THRB: variants seen among roughly 807,000 people sequenced by gnomAD.
The protein encoded by THRB is thyroid hormone receptor beta, also known as nuclear receptor subfamily 1 group A member 2.
In THRB, 12 loss-of-function variants were observed where a neutral mutation model predicts 47.8. The ratio of observed to expected loss-of-function variants is 0.25; its 90% confidence interval spans 0.16 to 0.41. The LOEUF is 0.41. Among genes scored for constraint, THRB ranks in the 10% least tolerant of loss-of-function variants. The pLI is 1.00. For missense variants in THRB, 348 were observed against 589.2 expected (o/e 0.59, Z 4.24); for synonymous variants, 218 against 212.2 (o/e 1.03, Z -0.24).
At chr3:24,131,328 G>T (rs1377593084) in intron 9 of THRB, among the ~76,000 whole-genome samples, 3 of 152,076 alleles carry the variant, frequency 2.0e-5, no homozygotes, top group Non-Finnish European at 1.5e-5. Context: ...CAATGAATAC[G>T]TATAATTTTT....
At chr3:24,275,131 T>C (rs1047427161) in intron 3 of THRB, among the ~76,000 whole-genome samples, 7 of 152,180 alleles carry the variant, frequency 4.6e-5, no homozygotes, top group African/African-American at 1.7e-4. Flanking sequence ...TAAATATTTG[T>C]TTGGAAAAAA....
Position 24,163,260 on chromosome 3 carries a change from G to C in THRB, c.284-10770C>G, listed in dbSNP as rs190462013. Among the ~76,000 whole-genome samples, 7 of 152,266 alleles carry C rather than the reference G, an allele frequency of 4.6e-5. No homozygotes were observed. In the East Asian group the frequency reaches 1.2e-3, roughly 25 times the overall value. ...GCATTTAAGAATATTTGCCTGTTTT[G>C]ATTTAGTGAGTTTGGCAGGTGGCGG... On this transcript the variant is annotated intron_variant, in intron 5 of 10. Transcript: ENST00000646209.
intron 1 of THRB, among the ~76,000 whole-genome samples, chr3:24,409,301 A>ATTTGGGTATCATTTTTATTTGT (rs1207032052): frequency 2.0e-5 from 3 of 151,864 alleles, no homozygotes; most frequent in Non-Finnish European, 4.4e-5. Context: ...TATGAAAGAT[A>ATTTGGGTATCATTTTTATTTGT]TTTGGGTATC....
At chr3:24,400,729 A>C (rs1348015601) in intron 1 of THRB, among the ~76,000 whole-genome samples, 1 of 152,012 alleles carries the variant, frequency 6.6e-6, no homozygotes, top group African/African-American at 2.4e-5. Context: ...AATGGGGTTG[A>C]TCCTAAAGCT....
intron 1 of THRB, among the ~76,000 whole-genome samples, chr3:24,420,880 C>CA (rs1308466977): frequency 6.6e-6 from 1 of 151,854 alleles, no homozygotes; most frequent in African/African-American, 2.4e-5. Context: ...ATCATTCTGT[C>CA]ATAAAGACAC....
intron 1 of THRB, among the ~76,000 whole-genome samples, chr3:24,411,637 T>A (rs1283264897): frequency 6.6e-6 from 1 of 151,808 alleles, no homozygotes; most frequent in Admixed American, 6.6e-5. Flanking sequence ...TTTATCTGAA[T>A]CAATAACTCT....
At chr3:24,343,696 C>G (rs1156548637) in intron 1 of THRB, among the ~76,000 whole-genome samples, 1 of 151,924 alleles carries the variant, frequency 6.6e-6, no homozygotes, top group African/African-American at 2.4e-5. Context: ...TGAATCCAAC[C>G]ACAATCTCCA....
intron 1 of THRB, among the ~76,000 whole-genome samples, chr3:24,424,183 G>A (rs1404089400): frequency 5.3e-5 from 8 of 151,638 alleles, no homozygotes; most frequent in African/African-American, 1.2e-4. Context: ...TTTCATTCCC[G>A]CCCGTCTACC....
chr3:24,328,994 T>C (rs1188419354), intron 2 of THRB, among the ~76,000 whole-genome samples: 1 of 152,132 alleles, frequency 6.6e-6, no homozygotes, highest in Admixed American at 6.5e-5. Flanking sequence ...TCACCCAGGC[T>C]GGAGTGCAGT....
At chr3:24,437,908 T>C (rs570695072) in intron 1 of THRB, among the ~76,000 whole-genome samples, 1 of 151,744 alleles carries the variant, frequency 6.6e-6, no homozygotes, top group Non-Finnish European at 1.5e-5. Flanking sequence ...TTTTTATTTG[T>C]GTTTATGTCT....
intron 1 of THRB, among the ~76,000 whole-genome samples, chr3:24,415,964 G>C (rs1465764149): frequency 6.6e-6 from 1 of 151,766 alleles, no homozygotes; most frequent in Non-Finnish European, 1.5e-5. Flanking sequence ...CTAGACTCAT[G>C]ATCCAACAAG....
At chr3:24,141,033 G>C (rs1371301769) in intron 8 of THRB, among the ~76,000 whole-genome samples, 1 of 152,190 alleles carries the variant, frequency 6.6e-6, no homozygotes, top group East Asian at 1.9e-4. Flanking sequence ...AACCCTCTAG[G>C]GAAAAATGGC....
intron 1 of THRB, among the ~76,000 whole-genome samples, chr3:24,462,537 A>G (rs772834043): frequency 7.9e-5 from 12 of 152,252 alleles, no homozygotes; most frequent in Non-Finnish European, 1.6e-4. Context: ...TATGTGATTA[A>G]ATTTGTTCTG....
chr3:24,202,781 C>G (rs79125107), intron 4 of THRB, among the ~76,000 whole-genome samples: 5,103 of 152,216 alleles, frequency 0.034, 116 homozygotes, highest in South Asian at 0.076. Context: ...ATGAGAAAAC[C>G]TTGGCTGAGA....
At chr3:24,394,430 G>T (rs1301640339) in intron 1 of THRB, among the ~76,000 whole-genome samples, 1 of 152,012 alleles carries the variant, frequency 6.6e-6, no homozygotes, top group Non-Finnish European at 1.5e-5. Context: ...GCTGATGAGG[G>T]TTTCCCTACT....
chr3:24,442,493 A>G (rs1015791263), intron 1 of THRB, among the ~76,000 whole-genome samples: 4 of 152,204 alleles, frequency 2.6e-5, no homozygotes, highest in African/African-American at 9.6e-5. Flanking sequence ...CTGATTAACA[A>G]TTACTACTTT....
intron 3 of THRB, among the ~76,000 whole-genome samples, chr3:24,234,009 G>A (rs1273541901): frequency 6.6e-6 from 1 of 152,164 alleles, no homozygotes; most frequent in Admixed American, 6.5e-5. Flanking sequence ...GATGACCTGG[G>A]TCTTTAAGCT....
chr3:24,138,626 T>C (rs1371451038), intron 8 of THRB, among the ~76,000 whole-genome samples: 1 of 152,192 alleles, frequency 6.6e-6, no homozygotes, highest in African/African-American at 2.4e-5. Context: ...ATGTAACTAC[T>C]AGATTATCCT....
At chr3:24,288,332 T>G (rs2055549341) in intron 3 of THRB, among the ~76,000 whole-genome samples, 1 of 152,210 alleles carries the variant, frequency 6.6e-6, no homozygotes, top group East Asian at 1.9e-4. Context: ...TTTTCCACCG[T>G]CTACATCTGA....
Sources: gnomAD v4.1 joint callset for allele counts (sites outside exome capture counted in the v4.1 genomes callset) on GRCh38, gnomAD v4.1.1 for gene constraint, MANE v1.5 for transcripts, NCBI Gene and HGNC (gene_info 2026-07-23, HGNC 2026-07-21) for gene names.